The following GALNT13 variants were observed in gnomAD, a reference collection of about 807,000 sequenced individuals.
GALNT13 encodes polypeptide N-acetylgalactosaminyltransferase 13.
Under a neutral mutation model 64.2 loss-of-function variants are expected in GALNT13, and 28 were observed. That is an observed-to-expected ratio of 0.44 (90% CI 0.32 to 0.60). The LOEUF (loss-of-function observed/expected upper bound fraction) is 0.60, where lower values mean the gene tolerates loss of function less well. GALNT13 is among the 20% of genes least tolerant of loss of function. The pLI is 0.05. For missense variants in GALNT13, 577 were observed against 669.8 expected (o/e 0.86, Z 1.53); for synonymous variants, 214 against 224.6 (o/e 0.95, Z 0.42).
chr2:154,122,854 A>C (rs962587478), intron 3 of GALNT13, among the ~76,000 whole-genome samples: 3 of 151,906 alleles, frequency 2.0e-5, no homozygotes, highest in East Asian at 1.9e-4. Context: ...TAACAGGATA[A>C]ATACTAAAAG....
rs188877421 is a variant in GALNT13, at chr2:154,128,168, C to G, written c.143-12169C>G. On this transcript the variant is annotated intron_variant, in intron 3 of 12. Transcript: ENST00000392825. ...GTATGTTCATTTAAAGGTGTACCTA[C>G]TGGTAATTTAGCTTTGTGTTGATGT... Among the ~76,000 whole-genome samples, 18 of 152,120 alleles carry G rather than the reference C, an allele frequency of 1.2e-4. No individual in the cohort carries two copies. In the East Asian group the frequency reaches 3.5e-3, roughly 29 times the overall value.
the GALNT13 span, among the ~76,000 whole-genome samples, chr2:153,748,704 T>A: frequency 6.6e-6 from 1 of 152,270 alleles, no homozygotes. Flanking sequence ...TTGCAAATAT[T>A]TTCTCCCATT....
At chr2:153,568,723 C>G in the GALNT13 span, among the ~76,000 whole-genome samples, 1 of 152,128 alleles carries the variant, frequency 6.6e-6, no homozygotes, top group African/African-American at 2.4e-5. Context: ...AACCACAGCT[C>G]AAATTGTTAT....
chr2:153,427,559 G>A, the GALNT13 span, among the ~76,000 whole-genome samples: 1 of 151,968 alleles, frequency 6.6e-6, no homozygotes, highest in African/African-American at 2.4e-5. Flanking sequence ...TTAGCCTTGG[G>A]AAAAAAGATG....
the GALNT13 span, chr2:153,449,786 A>T: frequency 6.6e-6 from 1 of 152,120 alleles, no homozygotes; most frequent in South Asian, 2.1e-4. Flanking sequence ...GGGGAGAAAC[A>T]GTGTCCTCAC....
At chr2:153,230,545 TA>T in the GALNT13 span, among the ~76,000 whole-genome samples, 2 of 152,202 alleles carry the variant, frequency 1.3e-5, no homozygotes, top group African/African-American at 4.8e-5. Context: ...ATCATGATGT[TA>T]TGAATTTAAT....
the GALNT13 span, among the ~76,000 whole-genome samples, chr2:153,167,780 T>G: frequency 2.0e-5 from 3 of 152,216 alleles, no homozygotes; most frequent in Non-Finnish European, 4.4e-5. Context: ...GCTGCTTCTA[T>G]GGGCTAATTT....
the GALNT13 span, among the ~76,000 whole-genome samples, chr2:153,164,830 C>T: frequency 2.0e-5 from 3 of 152,184 alleles, no homozygotes; most frequent in African/African-American, 7.2e-5. Context: ...ACCAACTCCC[C>T]TTTCCTGTAT....
At chr2:153,799,235 T>C in the GALNT13 span, among the ~76,000 whole-genome samples, 629 of 152,266 alleles carry the variant, frequency 4.1e-3, 3 homozygotes, top group Non-Finnish European at 7.3e-3. Flanking sequence ...TGTTCTATTT[T>C]TGTGTTCTTG....
the GALNT13 span, among the ~76,000 whole-genome samples, chr2:153,097,574 C>T: frequency 2.6e-5 from 4 of 152,084 alleles, no homozygotes; most frequent in African/African-American, 9.7e-5. Flanking sequence ...CTATTGGTAA[C>T]TTATTATAAA....
At chr2:154,100,315 TATTG>T (rs1702281271) in intron 3 of GALNT13, among the ~76,000 whole-genome samples, 1 of 152,166 alleles carries the variant, frequency 6.6e-6, no homozygotes, top group Admixed American at 6.6e-5. Context: ...GTCATTTTAA[TATTG>T]ATTCTTGAAA....
At position 154,031,527 on chromosome 2, in the gene GALNT13, G is replaced by A. The variant is rs528524864; in HGVS notation, c.142+86888G>A. ...TGTGTACAAGAAACCCACTTAATGT[G>A]TATGGATATATATAGAAAAGTAAAA... On this transcript the variant is annotated intron_variant, in intron 3 of 12. Transcript: ENST00000392825. Among the ~76,000 whole-genome samples the A allele has an allele frequency of 7.2e-5, 11 of 151,986 alleles. No homozygotes were observed. The East Asian group carries it at 1.7e-3, about 24-fold the overall frequency.
chr2:153,777,655 A>G, the GALNT13 span, among the ~76,000 whole-genome samples: 1 of 152,124 alleles, frequency 6.6e-6, no homozygotes, highest in East Asian at 1.9e-4. Context: ...CAGGGTGTGC[A>G]ATGGGGGTGT....
At chr2:153,125,783 G>C in the GALNT13 span, among the ~76,000 whole-genome samples, 2 of 152,144 alleles carry the variant, frequency 1.3e-5, no homozygotes, top group Non-Finnish European at 2.9e-5. Context: ...ATTAGAATTA[G>C]TGTTTCTTTG....
intron 7 of GALNT13, among the ~76,000 whole-genome samples, chr2:154,253,063 T>C (rs530564582): frequency 6.6e-6 from 1 of 152,318 alleles, no homozygotes; most frequent in South Asian, 2.1e-4. Context: ...ATCTAAAATG[T>C]ATACTATAAG....
intron 3 of GALNT13, among the ~76,000 whole-genome samples, chr2:154,004,868 T>G (rs1023494258): frequency 1.3e-5 from 2 of 152,208 alleles, no homozygotes; most frequent in African/African-American, 4.8e-5. Flanking sequence ...AGATAGTGAC[T>G]CAGTGATATC....
the GALNT13 span, among the ~76,000 whole-genome samples, chr2:153,598,731 C>A: frequency 2.0e-5 from 3 of 152,076 alleles, no homozygotes; most frequent in African/African-American, 7.2e-5. Context: ...ATACTTTATT[C>A]CTGAGTTATG....
At chr2:153,362,946 A>G in the GALNT13 span, among the ~76,000 whole-genome samples, 6 of 152,208 alleles carry the variant, frequency 3.9e-5, no homozygotes, top group Non-Finnish European at 5.9e-5. Flanking sequence ...TTTCAGTGCC[A>G]CATGGCACTT....
At chr2:153,634,616 T>A in the GALNT13 span, among the ~76,000 whole-genome samples, 1 of 144,798 alleles carries the variant, frequency 6.9e-6, no homozygotes, top group African/African-American at 2.6e-5. Flanking sequence ...AGTGGCCCGA[T>A]CTCAGCTCAT....
Sources: allele counts gnomAD v4.1 joint callset (sites outside exome capture counted in the v4.1 genomes callset), GRCh38; gene constraint gnomAD v4.1.1; transcripts MANE v1.5; gene names NCBI Gene and HGNC (gene_info 2026-07-23, HGNC 2026-07-21).